Variants in NUDT12 observed in about 807,000 individuals in gnomAD.
NUDT12 encodes nudix hydrolase 12.
A neutral mutation model predicts 45.7 loss-of-function variants in NUDT12; 42 were observed. The observed-to-expected ratio is 0.92, with a 90% confidence interval of 0.72 to 1.19. The LOEUF (loss-of-function observed/expected upper bound fraction) is 1.19, where lower values mean the gene tolerates loss of function less well. Ranked by LOEUF, NUDT12 falls within the 50% of genes most tolerant of loss-of-function variation. The pLI is 0.00. For synonymous variants in NUDT12, 206 were observed against 179.7 expected (o/e 1.15, Z -1.17); for missense variants, 590 against 533.1 (o/e 1.11, Z -1.05).
chr5:103,555,073 T>G (rs10078744), intron 4 of NUDT12, among the ~76,000 whole-genome samples: 1 of 151,904 alleles, frequency 6.6e-6, no homozygotes, highest in African/African-American at 2.4e-5. Flanking sequence ...AGGAAGACCA[T>G]TTTTGTCCTT....
chr5:103,559,991 C>G (rs1748978522), intron 2 of NUDT12, 52 bp downstream of exon 2: 1 of 1,288,704 alleles, frequency 7.8e-7, no homozygotes. Context: ...AAATATGTAA[C>G]AAAGAAATTA....
At chr5:103,552,479 A>C in intron 5 of NUDT12, 63 bp from the exon 6 acceptor site, 1 of 1,252,176 alleles carries the variant, frequency 8.0e-7, no homozygotes. Context: ...TTGTGTCCTG[A>C]ATGGTTCAAA....
intron 5 of NUDT12, among the ~76,000 whole-genome samples, chr5:103,553,973 A>G (rs10044216): frequency 0.63 from 95,600 of 151,710 alleles, 30,663 homozygotes; most frequent in Middle Eastern, 0.77. Flanking sequence ...AAGGTTGTAT[A>G]AGGATCATAC....
chr5:103,552,483 G>C, intron 5 of NUDT12, 67 bp from the exon 6 acceptor site: 1 of 1,197,508 alleles, frequency 8.4e-7, no homozygotes, highest in Non-Finnish European at 1.2e-6. Context: ...GTCCTGAATG[G>C]TTCAAACATC....
rs1247289615 is a variant in NUDT12 at position 103,552,255 on chromosome 5, T to C, written c.1240A>G (p.Asn414Asp). Residue 414 changes from asparagine (N) to aspartate (D), a missense_variant, in exon 6 of 7, where the codon AAT (asparagine) becomes GAT (aspartate). Physicochemically the swap from Asn to Asp is conservative, Grantham distance 23. Coordinates refer to ENST00000230792, the MANE Select transcript of NUDT12 (RefSeq NM_031438.4). Reference sequence around the variant, plus strand: ...AACCAGCGGGCATCCTCTATTTCATTCTTGTCAACTTTAATTTCTGTAGAC... The same window carrying C: ...AACCAGCGGGCATCCTCTATTTCATCCTTGTCAACTTTAATTTCTGTAGAC... ...AVSTEIKVDK[N>D]EIEDARWFTR... The C allele has an allele frequency of 6.2e-7, 1 of 1,613,802 alleles. No individual in the cohort carries two copies. The highest frequency in any genetic ancestry group is 8.5e-7 in the Non-Finnish European group (1 of 1,179,864).
rs1214697153 is a variant in NUDT12, at chr5:103,552,274, T to C, written c.1221A>G (p.Thr407=). 1.2e-6 allele frequency: 2 copies of C among 1,613,938 alleles called. No homozygotes were observed. The highest frequency in any genetic ancestry group is 1.7e-6 in the Non-Finnish European group (2 of 1,179,852). The part of the protein sequence containing the change: ...MIGCLALAVS[T]EIKVDKNEIE... ...TTTCATTCTTGTCAACTTTAATTTC[T>C]GTAGACACTGCTAGAGCTAAGCAAC... Residue 407 remains threonine (T), a synonymous_variant, in exon 6 of 7, where the codon ACA becomes ACG. Transcript: ENST00000230792.
intron 6 of NUDT12, 133 bp downstream of exon 6, chr5:103,552,084 C>T (rs1216235460): frequency 4.6e-6 from 3 of 649,842 alleles, no homozygotes; most frequent in African/African-American, 1.8e-5. Flanking sequence ...TTACTAATTA[C>T]CATGTAATCC....
intron 3 of NUDT12, among the ~76,000 whole-genome samples, chr5:103,557,280 G>GGTGTATATATATATATATATAT (rs1491335747): frequency 5.9e-5 from 7 of 118,932 alleles, no homozygotes; most frequent in South Asian, 3.2e-4. Flanking sequence ...ATCTTAAAAT[G>GGTGTATATATATATATATATAT]ATATATATAT....
intron 3 of NUDT12, among the ~76,000 whole-genome samples, chr5:103,556,973 A>G (rs985125253): frequency 2.0e-5 from 3 of 152,084 alleles, no homozygotes; most frequent in Non-Finnish European, 4.4e-5. Flanking sequence ...ACCTTGTAAT[A>G]TGTAACTTAC....
In NUDT12 at chr5:103,549,635, A is replaced by C. The variant is rs1282085963; in HGVS notation, c.*1226T>G. The stretch of plus-strand genomic sequence containing the variant: ...ATTTCTTTTTCCTTATCTATAAAAT[A>C]AGGAAAGCTAATTTCATATATTATC... On this transcript the variant is annotated 3_prime_UTR_variant, in exon 7 of 7. Coordinates refer to ENST00000230792, the MANE Select transcript of NUDT12 (RefSeq NM_031438.4). The C allele has an allele frequency of 1.3e-5, 2 of 152,054 alleles. No individual in the cohort carries two copies. The highest frequency in any genetic ancestry group is 2.9e-5 in the Non-Finnish European group (2 of 67,954). The allele number at this position is 152,054 out of a possible 1,614,324, so 9.4% of individuals were successfully genotyped here.
chr5:103,556,167 G>T, intron 3 of NUDT12, 69 bp from the exon 4 acceptor site: 1 of 1,133,986 alleles, frequency 8.8e-7, no homozygotes, highest in Non-Finnish European at 1.2e-6. Flanking sequence ...TAAGTAAAAT[G>T]TTCTCAAGCT....
At chr5:103,556,567 C>A (rs1392622699) in intron 3 of NUDT12, among the ~76,000 whole-genome samples, 1 of 152,022 alleles carries the variant, frequency 6.6e-6, no homozygotes, top group African/African-American at 2.4e-5. Flanking sequence ...CATTGATGGT[C>A]CAAGCCATGT....
chr5:103,554,130 A>G (rs1321762105), intron 5 of NUDT12, among the ~76,000 whole-genome samples: 1 of 152,084 alleles, frequency 6.6e-6, no homozygotes, highest in Non-Finnish European at 1.5e-5. Flanking sequence ...CATATTAATT[A>G]GATGTATTCA....
At chr5:103,560,528 G>T (rs879797636) in intron 1 of NUDT12, among the ~76,000 whole-genome samples, 1 of 152,046 alleles carries the variant, frequency 6.6e-6, no homozygotes, top group Non-Finnish European at 1.5e-5. Flanking sequence ...CTTGGGAGGG[G>T]GAACCAGGTA....
rs1159894356 is a variant in NUDT12, at chr5:103,554,728, G to C, written c.1078+12C>G. 2.8e-6 allele frequency: 3 copies of C among 1,081,436 alleles called. No individual in the cohort carries two copies. The highest frequency in any genetic ancestry group is 2.7e-5 in the Admixed American group (1 of 37,416). The allele number at this position is 1,081,436 out of a possible 1,614,324, so 67.0% of individuals were successfully genotyped here. On this transcript the variant is annotated intron_variant, in intron 5 of 6. Transcript: ENST00000230792. The stretch of plus-strand genomic sequence containing the variant: ...TTATAAATTAAATATAAATTATTAA[G>C]AAATGGCTTACCAGGCTCAATAAAT...
In NUDT12 at chr5:103,554,858, T is replaced by C; in HGVS notation, c.965-5A>G. 1 of 1,256,092 alleles carries C rather than the reference T, an allele frequency of 8.0e-7. No homozygotes were observed. Among genetic ancestry groups the C allele is most frequent in the East Asian group, 2.6e-5 (1 of 38,706 alleles). The allele number at this position is 1,256,092 out of a possible 1,614,324, so 77.8% of individuals were successfully genotyped here. On this transcript the variant is annotated splice_region_variant and splice_polypyrimidine_tract_variant and intron_variant, in intron 4 of 6. Transcript: ENST00000230792. ...CTTGCATGATTACTACTGGATCTGT[T>C]GAAAAAAAAAATCAGATACATGAAT...
chr5:103,561,556 A>T (rs1402539297), intron 1 of NUDT12, among the ~76,000 whole-genome samples: 1 of 152,210 alleles, frequency 6.6e-6, no homozygotes, highest in Non-Finnish European at 1.5e-5. Flanking sequence ...TCTAGAATTT[A>T]CTTCGCTGTT....
At chr5:103,558,408 C>G (rs1329467277) in intron 3 of NUDT12, among the ~76,000 whole-genome samples, 1 of 152,094 alleles carries the variant, frequency 6.6e-6, no homozygotes, top group Non-Finnish European at 1.5e-5. Flanking sequence ...TTCACACTTA[C>G]TTACTTACAT....
Position 103,559,215 on chromosome 5 carries a change from A to G in NUDT12, c.460T>C (p.Ser154Pro). ...AGAGTAACCAAGGGATTTAAATCTG[A>G]GAAAAGAATAAAAACTGTGGCTGGA... The part of the protein sequence containing the change: ...SHPATVFILF[S>P]DLNPLVTLGG... Residue 154 changes from serine to proline, a missense_variant, in exon 3 of 7, where the codon TCA (serine) becomes CCA (proline). Coordinates refer to ENST00000230792, the MANE Select transcript of NUDT12 (RefSeq NM_031438.4). 6.4e-7 allele frequency: 1 copy of G among 1,558,880 alleles called. No homozygotes were observed.
Sources: allele counts gnomAD v4.1 joint callset (sites outside exome capture counted in the v4.1 genomes callset), GRCh38; gene constraint gnomAD v4.1.1; transcripts MANE v1.5; gene names NCBI Gene and HGNC (gene_info 2026-07-23, HGNC 2026-07-21).